Variants in PTPRD observed in about 807,000 individuals in gnomAD.
PTPRD encodes protein tyrosine phosphatase receptor type D, also known as receptor-type tyrosine-protein phosphatase delta.
A neutral mutation model predicts 214.5 loss-of-function variants in PTPRD; 34 were observed. The ratio of observed to expected loss-of-function variants is 0.16; its 90% CI spans 0.12 to 0.21. PTPRD has a LOEUF of 0.21. Ranked by LOEUF, PTPRD falls within the 10% of genes least tolerant of loss-of-function variation. The probability of loss-of-function intolerance (pLI) is 1.00; values close to 1 mark genes in which losing one functional copy is unlikely to be tolerated. For synonymous variants in PTPRD, 1,128 were observed against 845.7 expected (o/e 1.33, Z -5.79); for missense variants, 2,545 against 2,398.7 (o/e 1.06, Z -1.27).
intron 9 of PTPRD, among the ~76,000 whole-genome samples, chr9:9,275,077 T>TGCCTG (rs1944563818): frequency 1.3e-5 from 1 of 76,218 alleles, no homozygotes; most frequent in African/African-American, 5.0e-5. Flanking sequence ...TATATATATA[T>TGCCTG]ATATAATATA....
At chr9:9,279,753 A>G (rs1399529473) in intron 9 of PTPRD, among the ~76,000 whole-genome samples, 1 of 151,126 alleles carries the variant, frequency 6.6e-6, no homozygotes, top group Non-Finnish European at 1.5e-5. Flanking sequence ...GAGTAACTAC[A>G]AATAAGAGCA....
chr9:8,457,855 G>A (rs563604931), intron 33 of PTPRD, among the ~76,000 whole-genome samples: 16 of 152,060 alleles, frequency 1.1e-4, no homozygotes, highest in African/African-American at 3.4e-4. Context: ...TAAACTGAAA[G>A]GCACCTAAAA....
chr9:8,804,043 C>G (rs2096625008), intron 11 of PTPRD, among the ~76,000 whole-genome samples: 1 of 151,990 alleles, frequency 6.6e-6, no homozygotes, highest in Non-Finnish European at 1.5e-5. Flanking sequence ...ACTTCTGCCC[C>G]CTGGGTTCAA....
chr9:8,934,421 G>GTGTGTATATA, intron 11 of PTPRD, among the ~76,000 whole-genome samples: 1 of 27,332 alleles, frequency 3.7e-5, no homozygotes, highest in South Asian at 9.4e-4. Context: ...GTGTGTGTGT[G>GTGTGTATATA]TATATATATA....
At chr9:9,059,120 T>C (rs531497781) in intron 10 of PTPRD, among the ~76,000 whole-genome samples, 3 of 151,798 alleles carry the variant, frequency 2.0e-5, no homozygotes, top group East Asian at 1.9e-4. Flanking sequence ...ATGAAAAAAA[T>C]ATAAGGAGAG....
At chr9:9,378,862 A>C (rs560320866) in intron 9 of PTPRD, among the ~76,000 whole-genome samples, 1 of 151,588 alleles carries the variant, frequency 6.6e-6, no homozygotes, top group African/African-American at 2.4e-5. Context: ...ATTTTTTCCT[A>C]TTGTTGATTT....
At chr9:9,940,802 C>G (rs1449274772) in intron 4 of PTPRD, among the ~76,000 whole-genome samples, 2 of 152,146 alleles carry the variant, frequency 1.3e-5, no homozygotes, top group Non-Finnish European at 1.5e-5. Context: ...AGAATGATTT[C>G]TCTTCCTACA....
intron 3 of PTPRD, among the ~76,000 whole-genome samples, chr9:10,074,240 G>T (rs1590349782): frequency 6.6e-6 from 1 of 152,114 alleles, no homozygotes; most frequent in Non-Finnish European, 1.5e-5. Context: ...GGGCCAGTTG[G>T]CTTTATTTCT....
intron 11 of PTPRD, among the ~76,000 whole-genome samples, chr9:8,879,078 C>T (rs529803043): frequency 4.1e-4 from 62 of 152,296 alleles, no homozygotes; most frequent in Middle Eastern, 3.4e-3. Context: ...CTAAGTTACA[C>T]GCATTCACAC....
intron 8 of PTPRD, among the ~76,000 whole-genome samples, chr9:9,496,313 A>T (rs62533231): frequency 0.072 from 11,015 of 152,270 alleles, 421 homozygotes; most frequent in Non-Finnish European, 0.092. Context: ...GAGAAAATAT[A>T]TTAAAGTCAA....
chr9:10,612,059 T>C (rs1463731018), intron 2 of PTPRD, among the ~76,000 whole-genome samples: 1 of 151,990 alleles, frequency 6.6e-6, no homozygotes, highest in Non-Finnish European at 1.5e-5. Flanking sequence ...TTTCAAGCTT[T>C]TTCTAGATAA....
At chr9:9,541,840 G>A (rs991200773) in intron 8 of PTPRD, among the ~76,000 whole-genome samples, 1 of 151,836 alleles carries the variant, frequency 6.6e-6, no homozygotes, top group African/African-American at 2.4e-5. Flanking sequence ...TAACTATGGT[G>A]TATTTTGGAC....
chr9:10,400,735 T>G (rs530632070), intron 2 of PTPRD, among the ~76,000 whole-genome samples: 1 of 151,500 alleles, frequency 6.6e-6, no homozygotes, highest in Non-Finnish European at 1.5e-5. Flanking sequence ...CAAAAATGTT[T>G]TTCCTATTTC....
At chr9:9,891,325 A>G (rs1417149003) in intron 5 of PTPRD, among the ~76,000 whole-genome samples, 1 of 152,130 alleles carries the variant, frequency 6.6e-6, no homozygotes, top group African/African-American at 2.4e-5. Flanking sequence ...AAAGAATACC[A>G]AAGAGATATT....
chr9:9,942,295 TA>T (rs1603208970), intron 4 of PTPRD, among the ~76,000 whole-genome samples: 1 of 152,098 alleles, frequency 6.6e-6, no homozygotes, highest in African/African-American at 2.4e-5. Flanking sequence ...CACTTAAAGT[TA>T]GGTGGGCATT....
chr9:9,062,228 T>C, intron 10 of PTPRD, among the ~76,000 whole-genome samples: 1 of 152,134 alleles, frequency 6.6e-6, no homozygotes, highest in East Asian at 1.9e-4. Flanking sequence ...GAATTACATG[T>C]CAAAGCACAG....
At chr9:10,437,524 G>C (rs1185243114) in intron 2 of PTPRD, among the ~76,000 whole-genome samples, 1 of 151,734 alleles carries the variant, frequency 6.6e-6, no homozygotes, top group Non-Finnish European at 1.5e-5. Context: ...AGGATGCTAA[G>C]TTATGTATGA....
At chr9:10,415,700 G>T (rs2098480706) in intron 2 of PTPRD, among the ~76,000 whole-genome samples, 1 of 151,874 alleles carries the variant, frequency 6.6e-6, no homozygotes, top group African/African-American at 2.4e-5. Flanking sequence ...TTGCTGAAAT[G>T]TGGAAGCAAC....
chr9:10,470,156 G>C (rs999465421), intron 2 of PTPRD, among the ~76,000 whole-genome samples: 1 of 152,026 alleles, frequency 6.6e-6, no homozygotes, highest in Non-Finnish European at 1.5e-5. Flanking sequence ...AATGTTTGAG[G>C]TAATGGATGT....
Sources: allele counts gnomAD v4.1 joint callset (sites outside exome capture counted in the v4.1 genomes callset), GRCh38; gene constraint gnomAD v4.1.1; transcripts MANE v1.5; gene names NCBI Gene and HGNC (gene_info 2026-07-23, HGNC 2026-07-21).